The following UVRAG variants were observed in gnomAD, a reference collection of about 807,000 sequenced individuals.
UVRAG encodes UV radiation resistance-associated gene protein.
UVRAG carries 19 observed loss-of-function variants against 78.0 expected under a neutral mutation model. The ratio of observed to expected loss-of-function variants is 0.24; its 90% CI spans 0.17 to 0.36. The LOEUF is 0.36. Among genes scored for constraint, UVRAG ranks in the 10% least tolerant of loss-of-function variants. The pLI is 1.00. For missense variants in UVRAG, 740 were observed against 853.8 expected, an observed-to-expected ratio of 0.87 and a Z score of 1.66; for synonymous variants, 323 against 324.6, an observed-to-expected ratio of 1.00 and a Z score of 0.05.
intron 3 of UVRAG, among the ~76,000 whole-genome samples, chr11:75,877,952 G>A (rs1946840639): frequency 6.6e-6 from 1 of 150,958 alleles, no homozygotes; most frequent in South Asian, 2.1e-4. Context: ...CGGCTGGCCT[G>A]GTGGGGGCTG....
At chr11:75,931,412 G>C (rs1354472423) in intron 6 of UVRAG, among the ~76,000 whole-genome samples, 1 of 152,072 alleles carries the variant, frequency 6.6e-6, no homozygotes, top group African/African-American at 2.4e-5. Flanking sequence ...AGGGAAAAGA[G>C]ACCCCAAGGT....
intron 4 of UVRAG, among the ~76,000 whole-genome samples, 193 bp downstream of exon 4, chr11:75,880,233 G>A (rs1946906714): frequency 6.6e-6 from 1 of 152,154 alleles, no homozygotes; most frequent in Non-Finnish European, 1.5e-5. Context: ...ACATTGTTAT[G>A]TTTGAATCAT....
At chr11:76,014,047 G>A (rs1210018721) in intron 11 of UVRAG, among the ~76,000 whole-genome samples, 1 of 152,136 alleles carries the variant, frequency 6.6e-6, no homozygotes, top group Non-Finnish European at 1.5e-5. Context: ...TTCAGTGTGT[G>A]CTATTTCTTT....
rs183383937 is a variant in UVRAG at position 76,000,682 on chromosome 11, C to A, written c.827-3323C>A. ...AAGTTAAAGAATGGAAAAAGATGTA[C>A]CATGCAAATAACAGTCAAAAGAAAA... On this transcript the variant is annotated intron_variant, in intron 8 of 14. Coordinates refer to ENST00000356136, the MANE Select transcript of UVRAG (RefSeq NM_003369.4). Among the ~76,000 whole-genome samples the A allele has an allele frequency of 7.9e-5, 12 of 151,504 alleles. No homozygotes were observed. In the East Asian group the frequency reaches 2.3e-3, roughly 29 times the overall value.
At chr11:75,846,862 C>T (rs115222326) in intron 1 of UVRAG, among the ~76,000 whole-genome samples, 1,568 of 151,130 alleles carry the variant, frequency 0.01, 30 homozygotes, top group African/African-American at 0.035. Context: ...CTTGCTCTGT[C>T]GCATAGGCTA....
chr11:75,975,477 A>T (rs1212606277), intron 7 of UVRAG, among the ~76,000 whole-genome samples: 1 of 152,128 alleles, frequency 6.6e-6, no homozygotes, highest in Non-Finnish European at 1.5e-5. Context: ...TTTTCACGAT[A>T]TTGATTCTTC....
chr11:75,965,662 G>GT (rs1377897371), intron 7 of UVRAG, among the ~76,000 whole-genome samples: 1 of 152,128 alleles, frequency 6.6e-6, no homozygotes, highest in East Asian at 1.9e-4. Context: ...TTTTATGGGA[G>GT]TTTTTTGGCA....
intron 1 of UVRAG, among the ~76,000 whole-genome samples, chr11:75,832,171 C>T (rs1307612339): frequency 6.6e-6 from 1 of 152,064 alleles, no homozygotes; most frequent in African/African-American, 2.4e-5. Context: ...GTTGGGTTTT[C>T]CCCCCAACAT....
chr11:76,052,082 A>G (rs1950881520), intron 12 of UVRAG, among the ~76,000 whole-genome samples: 1 of 152,112 alleles, frequency 6.6e-6, no homozygotes, highest in Non-Finnish European at 1.5e-5. Context: ...TAACCAGAAC[A>G]TTTCTTCCTT....
chr11:76,143,844 C>T lies in UVRAG; in HGVS notation c.*2431C>T, dbSNP rs1299640331. ...TGTAAATCACTAAGAAAATTGTTTG[C>T]TTGGAAGATATAAGTTGAATTGGAA... On this transcript the variant is annotated 3_prime_UTR_variant, in exon 15 of 15. Coordinates refer to ENST00000356136, the MANE Select transcript of UVRAG (RefSeq NM_003369.4). Among the ~76,000 whole-genome samples the T allele has an allele frequency of 6.6e-6, 1 of 152,190 alleles. No homozygotes were observed. Among genetic ancestry groups the T allele is most frequent in the East Asian group, 1.9e-4 (1 of 5,206 alleles).
rs565599512 is a variant in UVRAG at position 75,845,969 on chromosome 11, TTTTAA to T, written c.118-5910_118-5906del. On this transcript the variant is annotated intron_variant, in intron 1 of 14. Transcript: ENST00000356136. ...AGAGTGATTCCAAAGTTTGTGTAAA[TTTTAA>T]TTTTTTTGTGTAAATTTACATTTTA... Among the ~76,000 whole-genome samples, 6 of 152,352 alleles carry T rather than the reference TTTTAA, an allele frequency of 3.9e-5. No individual in the cohort carries two copies. The East Asian group carries it at 9.6e-4, about 24-fold the overall frequency.
At position 76,140,794 on chromosome 11, in the gene UVRAG, G is replaced by T; in HGVS notation, c.1481G>T (p.Gly494Val). 1 of 1,614,046 alleles carries T rather than the reference G, an allele frequency of 6.2e-7. No individual in the cohort carries two copies. Among genetic ancestry groups the T allele is most frequent in the South Asian group, 1.1e-5 (1 of 91,066 alleles). The change falls in exon 15 of 15, where the codon GGG becomes GTG. Residue 494 changes from glycine (G) to valine (V), a missense_variant. Transcript: ENST00000356136. ...IFGGADVGFS[G>V]GIPSPDKGHR... Reference sequence around the variant, plus strand: ...GGGGGTGCAGATGTAGGCTTCTCTGGGGGGATCCCTTCACCAGACAAAGGA... The same window carrying T: ...GGGGGTGCAGATGTAGGCTTCTCTGTGGGGATCCCTTCACCAGACAAAGGA...
intron 13 of UVRAG, among the ~76,000 whole-genome samples, chr11:76,098,588 A>G (rs1951827219): frequency 6.6e-6 from 1 of 152,198 alleles, no homozygotes; most frequent in Non-Finnish European, 1.5e-5. Flanking sequence ...AAGATAGAAG[A>G]CCACATCATT....
At chr11:75,915,490 A>T (rs1046241811) in intron 6 of UVRAG, among the ~76,000 whole-genome samples, 8 of 152,216 alleles carry the variant, frequency 5.3e-5, no homozygotes, top group African/African-American at 1.9e-4. Context: ...AAAAGTAGAC[A>T]TTTAATTAAT....
chr11:76,126,856 G>A (rs1952407279), intron 14 of UVRAG, among the ~76,000 whole-genome samples: 2 of 152,082 alleles, frequency 1.3e-5, no homozygotes, highest in South Asian at 4.2e-4. Flanking sequence ...CTCCACAGTT[G>A]GACTGCACAC....
chr11:76,116,552 C>T (rs1952183655), intron 14 of UVRAG, among the ~76,000 whole-genome samples: 1 of 152,188 alleles, frequency 6.6e-6, no homozygotes, highest in African/African-American at 2.4e-5. Flanking sequence ...AGTGCTCCGT[C>T]AGGATAGACA....
chr11:75,945,911 TG>T (rs1347257983), intron 6 of UVRAG, among the ~76,000 whole-genome samples: 1 of 152,174 alleles, frequency 6.6e-6, no homozygotes, highest in African/African-American at 2.4e-5. Flanking sequence ...AGAAGACTTT[TG>T]CTTCCACTTG....
At chr11:76,091,667 C>A (rs1440527472) in intron 13 of UVRAG, among the ~76,000 whole-genome samples, 1 of 151,844 alleles carries the variant, frequency 6.6e-6, no homozygotes, top group Non-Finnish European at 1.5e-5. Context: ...TCTAAGAGTT[C>A]TTTTTCTCTG....
At chr11:76,006,476 A>G (rs1416349555) in intron 9 of UVRAG, among the ~76,000 whole-genome samples, 1 of 152,018 alleles carries the variant, frequency 6.6e-6, no homozygotes, top group Non-Finnish European at 1.5e-5. Context: ...CCTGGGCAAC[A>G]TGGTGAAACA....
Sources: allele counts gnomAD v4.1 joint callset (sites outside exome capture counted in the v4.1 genomes callset), GRCh38; gene constraint gnomAD v4.1.1; transcripts MANE v1.5; gene names NCBI Gene and HGNC (gene_info 2026-07-23, HGNC 2026-07-21).